Variants in ARHGAP17 observed in about 807,000 individuals in gnomAD.
ARHGAP17 encodes Rho GTPase activating protein 17.
ARHGAP17 carries 57 observed loss-of-function variants against 99.5 expected under a neutral mutation model. That is an observed-to-expected ratio of 0.57 (90% CI 0.46 to 0.71). The LOEUF (loss-of-function observed/expected upper bound fraction) is 0.71, where lower values mean the gene tolerates loss of function less well. Ranked by LOEUF, ARHGAP17 falls within the 30% of genes least tolerant of loss-of-function variation. The pLI is 0.00. For missense variants in ARHGAP17, 1,000 were observed against 1,122.4 expected, an observed-to-expected ratio of 0.89 and a Z score of 1.56; for synonymous variants, 417 against 429.6, an observed-to-expected ratio of 0.97 and a Z score of 0.36.
At position 24,920,246 on chromosome 16, in the gene ARHGAP17, C is replaced by T. The variant is rs574925150; in HGVS notation, c.2530G>A (p.Val844Ile). 1 of 1,613,878 alleles carries T rather than the reference C, an allele frequency of 6.2e-7. No individual in the cohort carries two copies. The highest frequency in any genetic ancestry group is 8.5e-7 in the Non-Finnish European group (1 of 1,179,994). ...SKIVTDSNSRVSEPHRSIFPE... is the reference protein window; with the variant it reads ...SKIVTDSNSRISEPHRSIFPE... ...AAGATGCTGCGATGCGGTTCTGAAA[C>T]CCTGGAATTGGAGTCTGGACAAAAA... Residue 844 changes from valine to isoleucine, a missense_variant, in exon 20 of 20, where the codon GTT becomes ATT. By Grantham distance (29) the Val-to-Ile change is conservative (BLOSUM62 3). Around this residue, in one of 2 missense-constraint regions of ARHGAP17, gnomAD observed 528 missense variants for 511.4 expected, o/e 1.03. Transcript: ENST00000289968.
chr16:24,939,649 CAG>C (rs946856101), intron 16 of ARHGAP17, 52 bp from the exon 17 acceptor site: 2 of 1,532,094 alleles, frequency 1.3e-6, no homozygotes, highest in African/African-American at 2.7e-5. Context: ...ACTACTGAGA[CAG>C]AAGCCCATCG....
chr16:24,972,855 T>G (rs2052406623), intron 3 of ARHGAP17, among the ~76,000 whole-genome samples: 1 of 152,182 alleles, frequency 6.6e-6, no homozygotes, highest in African/African-American at 2.4e-5. Flanking sequence ...ATGGGCTCAT[T>G]AATCAAGTAT....
chr16:24,919,994 C>A lies in ARHGAP17; in HGVS notation c.*136G>T. On this transcript the variant is annotated 3_prime_UTR_variant, in exon 20 of 20. Transcript: ENST00000289968. ...GTTCTCCTTGGGCCGTGCAGAAGGC[C>A]AGGTCCCGCACAGTGAGGCCCTCCT... 2.3e-6 allele frequency: 3 copies of A among 1,296,238 alleles called. No homozygotes were observed. Among genetic ancestry groups the A allele is most frequent in the Non-Finnish European group, 1.1e-6 (1 of 946,666 alleles). The allele number at this position is 1,296,238 out of a possible 1,614,324, so 80.3% of individuals were successfully genotyped here.
At chr16:24,982,773 C>T (rs895554772) in intron 1 of ARHGAP17, among the ~76,000 whole-genome samples, 1 of 151,670 alleles carries the variant, frequency 6.6e-6, no homozygotes, top group Non-Finnish European at 1.5e-5. Flanking sequence ...ATTCAATAGG[C>T]CATTCAATAG....
At chr16:24,958,370 C>T (rs1383489646) in intron 9 of ARHGAP17, among the ~76,000 whole-genome samples, 5 of 152,182 alleles carry the variant, frequency 3.3e-5, no homozygotes, top group African/African-American at 7.2e-5. Context: ...TTGTCCTATG[C>T]GGGGCCCAGC....
At chr16:25,005,043 T>C (rs2053469264) in intron 1 of ARHGAP17, among the ~76,000 whole-genome samples, 1 of 152,334 alleles carries the variant, frequency 6.6e-6, no homozygotes, top group Admixed American at 6.5e-5. Flanking sequence ...GCCTCCTGAG[T>C]ACCTGGGATT....
chr16:24,947,602 G>A lies in ARHGAP17; in HGVS notation c.1128-7C>T. On this transcript the variant is annotated splice_region_variant and splice_polypyrimidine_tract_variant and intron_variant, in intron 13 of 19. Transcript: ENST00000289968. ...AAGGAACTTGATCAAATATCTAGGG[G>A]TCAAAAGAGAAGGGGAGGGTTTCTC... is the stretch of plus-strand genomic sequence containing the variant. 6.2e-7 allele frequency: 1 copy of A among 1,604,626 alleles called. No individual in the cohort carries two copies. The highest frequency in any genetic ancestry group is 8.5e-7 in the Non-Finnish European group (1 of 1,176,558).
chr16:24,982,990 A>ATATT (rs1555467534), intron 1 of ARHGAP17, among the ~76,000 whole-genome samples: 1 of 32,470 alleles, frequency 3.1e-5, no homozygotes, highest in East Asian at 5.5e-4. Flanking sequence ...ATATATATAT[A>ATATT]TATATATTTT....
At position 24,952,940 on chromosome 16, in the gene ARHGAP17, C is replaced by T; in HGVS notation, c.955G>A (p.Ala319Thr). 4 of 1,614,082 alleles carry T rather than the reference C, an allele frequency of 2.5e-6. No homozygotes were observed. The highest frequency in any genetic ancestry group is 2.5e-6 in the Non-Finnish European group (3 of 1,179,942). Reference protein sequence around the residue: ...HLDEFYSDPHAVAGALKSYLR... With the variant: ...HLDEFYSDPHTVAGALKSYLR... The stretch of plus-strand genomic sequence containing the variant: ...ACTCTTTGGCGCTCACCTGCTACAG[C>T]ATGGGGGTCTGAATAGAACTCATCC... Residue 319 changes from alanine to threonine, a missense_variant, in exon 11 of 20, where the codon GCT becomes ACT. By Grantham distance (58) the Ala-to-Thr change is moderately conservative. Transcript: ENST00000289968.
intron 1 of ARHGAP17, among the ~76,000 whole-genome samples, chr16:24,994,631 T>C (rs1275255361): frequency 6.6e-6 from 1 of 152,216 alleles, no homozygotes; most frequent in Non-Finnish European, 1.5e-5. Context: ...TGCTCAGCAC[T>C]GTTCCAGGTG....
intron 19 of ARHGAP17, among the ~76,000 whole-genome samples, chr16:24,921,295 T>C (rs569075172): frequency 6.6e-6 from 1 of 152,188 alleles, no homozygotes; most frequent in African/African-American, 2.4e-5. Context: ...TCATTAGGTA[T>C]TTTAGGGCTG....
chr16:24,973,924 G>C (rs2052441341), intron 3 of ARHGAP17, among the ~76,000 whole-genome samples: 1 of 152,238 alleles, frequency 6.6e-6, no homozygotes, highest in Non-Finnish European at 1.5e-5. Flanking sequence ...GGACTGGTGA[G>C]TGTTATGTGG....
intron 16 of ARHGAP17, 165 bp from the exon 17 acceptor site, chr16:24,939,762 C>T (rs973915143): frequency 1.9e-5 from 13 of 691,584 alleles, no homozygotes; most frequent in Admixed American, 1.4e-4. Flanking sequence ...TGAGCAACTC[C>T]ACTCGGCTTC....
chr16:25,005,285 A>G (rs1209087773), intron 1 of ARHGAP17, among the ~76,000 whole-genome samples: 5 of 152,226 alleles, frequency 3.3e-5, no homozygotes, highest in Non-Finnish European at 7.3e-5. Context: ...TACCTATTTA[A>G]AAGACAGTTT....
At chr16:24,948,319 G>A (rs2051533600) in intron 13 of ARHGAP17, among the ~76,000 whole-genome samples, 1 of 152,150 alleles carries the variant, frequency 6.6e-6, no homozygotes, top group African/African-American at 2.4e-5. Context: ...ACACACGAAT[G>A]TATCTGCTTA....
intron 1 of ARHGAP17, among the ~76,000 whole-genome samples, chr16:25,012,864 C>T (rs62035032): frequency 0.33 from 49,590 of 152,058 alleles, 9,258 homozygotes; most frequent in East Asian, 0.53. Flanking sequence ...ACAGCTCCAG[C>T]ATGAATCACC....
At chr16:24,977,949 A>G (rs1422000333) in intron 2 of ARHGAP17, among the ~76,000 whole-genome samples, 1 of 152,206 alleles carries the variant, frequency 6.6e-6, no homozygotes, top group Non-Finnish European at 1.5e-5. Flanking sequence ...ATAAATCAAC[A>G]AATTCAAAAC....
chr16:24,937,656 T>C (rs1230684822), intron 17 of ARHGAP17, among the ~76,000 whole-genome samples: 1 of 151,984 alleles, frequency 6.6e-6, no homozygotes, highest in African/African-American at 2.4e-5. Context: ...TTTCCCAAGG[T>C]GAAGAAAATG....
At chr16:24,942,230 CT>C in intron 15 of ARHGAP17, 87 bp from the exon 16 acceptor site, 1 of 1,374,694 alleles carries the variant, frequency 7.3e-7, no homozygotes, top group Non-Finnish European at 9.9e-7. Context: ...GAACGGGAAC[CT>C]CGTTCTTCAG....
Sources: gnomAD v4.1 joint callset for allele counts (sites outside exome capture counted in the v4.1 genomes callset) on GRCh38, gnomAD v4.1.1 for gene constraint, gnomAD v4.1.1 regional missense constraint, MANE v1.5 for transcripts, NCBI Gene and HGNC (gene_info 2026-07-23, HGNC 2026-07-21) for gene names.